Variants in MAN1B1 observed in about 807,000 individuals in gnomAD.
The protein encoded by MAN1B1 is endoplasmic reticulum mannosyl-oligosaccharide 1,2-alpha-mannosidase.
A neutral mutation model predicts 75.5 loss-of-function variants in MAN1B1; 66 were observed. The observed-to-expected ratio is 0.87, with a 90% CI of 0.72 to 1.07. MAN1B1 has a LOEUF of 1.07. Among genes scored for constraint, MAN1B1 ranks in the 50% least tolerant of loss-of-function variants. The pLI is 0.00. For missense variants in MAN1B1, 973 were observed against 912.5 expected, an observed-to-expected ratio of 1.07 and a Z score of -0.85; for synonymous variants, 453 against 382.8, an observed-to-expected ratio of 1.18 and a Z score of -2.14.
chr9:137,089,076 GAGA>G lies in MAN1B1; in HGVS notation c.465+76_465+78del, dbSNP rs1396302876. The G allele has an allele frequency of 1.3e-5, 20 of 1,572,728 alleles. No homozygotes were observed. In the East Asian group the frequency reaches 3.6e-4, roughly 28 times the overall value. ...GAGGCATTTCAAACCACTGAAGATT[GAGA>G]AGAATTATTTTCCTTTACCATTTAT... On this transcript the variant is annotated intron_variant, in intron 3 of 12. Transcript: ENST00000371589.
chr9:137,103,741 C>T (rs918007198), intron 8 of MAN1B1: 10 of 447,210 alleles, frequency 2.2e-5, no homozygotes, highest in African/African-American at 2.1e-4. Context: ...CATGCTGTTG[C>T]AGGCGTGCAG....
intron 9 of MAN1B1, 26 bp from the exon 10 acceptor site, chr9:137,106,663 A>G: frequency 6.2e-7 from 1 of 1,613,050 alleles, no homozygotes; most frequent in Non-Finnish European, 8.5e-7. Context: ...GTCCTGGTAG[A>G]GTGAGATGAC....
chr9:137,107,137 C>A (rs1831140291), intron 10 of MAN1B1, 113 bp from the exon 11 acceptor site: 1 of 1,217,128 alleles, frequency 8.2e-7, no homozygotes, highest in Non-Finnish European at 1.2e-6. Context: ...GTGGCCTCCC[C>A]TCCCAGGGTA....
chr9:137,087,181 A>C lies in MAN1B1; in HGVS notation c.182A>C (p.Asp61Ala). 6.3e-7 allele frequency: 1 copy of C among 1,591,652 alleles called. No individual in the cohort carries two copies. Among genetic ancestry groups the C allele is most frequent in the Non-Finnish European group, 8.5e-7 (1 of 1,169,846 alleles). Residue 61 changes from aspartate to alanine, a missense_variant, in exon 1 of 13, where the codon GAC (aspartate) becomes GCC (alanine). Asp to Ala is a moderately radical substitution (Grantham distance 126). Transcript: ENST00000371589. Reference protein sequence around the residue: ...SVTLSFGENYDNSKSWRRRSC... With the variant: ...SVTLSFGENYANSKSWRRRSC... ...ACGCTGAGCTTTGGCGAGAACTATGACAACAGCAAGAGTTGGCGGCGGCGC... is the reference window on the plus strand; with the variant it reads ...ACGCTGAGCTTTGGCGAGAACTATGCCAACAGCAAGAGTTGGCGGCGGCGC...
chr9:137,087,355 G>C, intron 1 of MAN1B1, 137 bp downstream of exon 1: 1 of 1,056,780 alleles, frequency 9.5e-7, no homozygotes, highest in Non-Finnish European at 1.4e-6. Context: ...CCCGCAAAAA[G>C]GGGCAAATGT....
At chr9:137,089,411 G>A in intron 3 of MAN1B1, 1 of 289,590 alleles carries the variant, frequency 3.5e-6, no homozygotes, top group Non-Finnish European at 6.7e-6. Flanking sequence ...GGAGGCCGTG[G>A]CACTGAGGGC....
In MAN1B1 at chr9:137,101,638, A is replaced by G. The variant is rs1467525320; in HGVS notation, c.1220A>G (p.Glu407Gly). The G allele has an allele frequency of 6.2e-7, 1 of 1,613,190 alleles. No individual in the cohort carries two copies. The highest frequency in any genetic ancestry group is 8.5e-7 in the Non-Finnish European group (1 of 1,179,578). The change falls in exon 8 of 13, where the codon GAG becomes GGG. Residue 407 changes from glutamate to glycine, a missense_variant. Glu to Gly is a moderately conservative substitution (Grantham distance 98). Coordinates refer to ENST00000371589, the MANE Select transcript of MAN1B1 (RefSeq NM_016219.5). ...EVTSIQLEFR[E>G]LSRLTGDKKF... Reference sequence around the variant, plus strand: ...ACCAGCATTCAGCTGGAGTTCCGGGAGCTCTCCCGTCTCACAGGGGATAAG... The same window carrying G: ...ACCAGCATTCAGCTGGAGTTCCGGGGGCTCTCCCGTCTCACAGGGGATAAG...
chr9:137,098,032 C>T (rs371580554), intron 5 of MAN1B1, 95 bp downstream of exon 5: 235 of 917,222 alleles, frequency 2.6e-4, no homozygotes, highest in African/African-American at 2.3e-3. Flanking sequence ...GTGGCGCCCC[C>T]GCCCTGGTGT....
chr9:137,093,515 C>G (rs1588587883), intron 3 of MAN1B1, among the ~76,000 whole-genome samples: 1 of 152,076 alleles, frequency 6.6e-6, no homozygotes, highest in East Asian at 1.9e-4. Context: ...TTGAAAAGAC[C>G]TAAATAAGTA....
Position 137,108,625 on chromosome 9 carries a change from G to A in MAN1B1, c.*34G>A, listed in dbSNP as rs765139802. The stretch of plus-strand genomic sequence containing the variant: ...GCTGCTGGTGTGGGGACTTCGGGTG[G>A]GCAGAGGCACCTTGCTGGGTCTGTG... On this transcript the variant is annotated 3_prime_UTR_variant, in exon 13 of 13. Coordinates refer to ENST00000371589, the MANE Select transcript of MAN1B1 (RefSeq NM_016219.5). 2.3e-5 allele frequency: 37 copies of A among 1,601,010 alleles called. No homozygotes were observed. The South Asian group carries it at 3.4e-4, about 15-fold the overall frequency.
rs371895506 is a variant in MAN1B1 at position 137,087,078 on chromosome 9, G to T, written c.79G>T (p.Ala27Ser). The T allele has an allele frequency of 4.4e-6, 7 of 1,601,178 alleles. No homozygotes were observed. Among genetic ancestry groups the T allele is most frequent in the Non-Finnish European group, 5.1e-6 (6 of 1,175,822 alleles). The change falls in exon 1 of 13, where the codon GCC becomes TCC. Residue 27 changes from alanine to serine, a missense_variant. Coordinates refer to ENST00000371589, the MANE Select transcript of MAN1B1 (RefSeq NM_016219.5). ...CTTCCTGACGCCGCCAGTGGGCGGG[G>T]CCCCTTGGGCCGTCGCCACCACTGT... Reference protein sequence around the residue: ...SDFLTPPVGGAPWAVATTVVM... With the variant: ...SDFLTPPVGGSPWAVATTVVM...
intron 5 of MAN1B1, among the ~76,000 whole-genome samples, chr9:137,098,530 G>A (rs1244553436): frequency 6.6e-6 from 1 of 152,178 alleles, no homozygotes; most frequent in Non-Finnish European, 1.5e-5. Flanking sequence ...GAGGTGGGGA[G>A]GGAGCCCAGA....
intron 8 of MAN1B1, chr9:137,103,657 C>T (rs879249126): frequency 3.3e-6 from 1 of 298,728 alleles, no homozygotes. Flanking sequence ...CACATTCACA[C>T]TTGCAGGCGT....
chr9:137,087,542 T>G (rs1588578972), intron 1 of MAN1B1: 1 of 572,436 alleles, frequency 1.7e-6, no homozygotes, highest in Non-Finnish European at 3.3e-6. Flanking sequence ...AAACCGGAGG[T>G]TCCCCGTGGT....
rs570450248 is a variant in MAN1B1 at position 137,100,489 on chromosome 9, C to T, written c.917-516C>T. On this transcript the variant is annotated intron_variant, in intron 6 of 12. Transcript: ENST00000371589. ...GTGATATTGAAGCCCTGCAGGGGAACGATAACGCCCCAGACATGGGTTTGG... is the reference window on the plus strand; with the variant it reads ...GTGATATTGAAGCCCTGCAGGGGAATGATAACGCCCCAGACATGGGTTTGG... 7.8e-4 allele frequency among the ~76,000 whole-genome samples: 119 copies of T among 152,226 alleles called. 1 individual carries two copies. Among genetic ancestry groups the T allele is most frequent in the African/African-American group, 2.8e-3 (118 of 41,510 alleles).
In MAN1B1 at chr9:137,109,131, C is replaced by A. The variant is rs545955725; in HGVS notation, c.*540C>A. On this transcript the variant is annotated 3_prime_UTR_variant, in exon 13 of 13. Transcript: ENST00000371589. ...ACGGCAAGTCCGTCTAGCTCACGGG[C>A]CCCTCCAGTGGAATGGGTCTTTTCG... 3 of 454,900 alleles carry A rather than the reference C, an allele frequency of 6.6e-6. No homozygotes were observed. The highest frequency in any genetic ancestry group is 2.0e-5 in the African/African-American group (1 of 50,152). 28.2% of individuals were successfully genotyped at this position (454,900 alleles called of 1,614,324 possible).
At chr9:137,108,354 C>A in intron 12 of MAN1B1, 34 bp from the exon 13 acceptor site, 4 of 1,581,836 alleles carry the variant, frequency 2.5e-6, no homozygotes, top group Non-Finnish European at 3.5e-6. Flanking sequence ...CAGGGTGCCC[C>A]CCGTGTGGTG....
intron 3 of MAN1B1, among the ~76,000 whole-genome samples, chr9:137,094,186 T>C (rs1456208512): frequency 6.6e-6 from 1 of 151,736 alleles, no homozygotes; most frequent in Non-Finnish European, 1.5e-5. Context: ...GGCTAACTTT[T>C]TGATTTTTTG....
intron 8 of MAN1B1, chr9:137,103,479 G>T: frequency 2.3e-6 from 1 of 439,836 alleles, no homozygotes; most frequent in South Asian, 1.6e-5. Context: ...AGGCGTGCAG[G>T]TCAGTGGTAC....
Sources: allele counts gnomAD v4.1 joint callset (sites outside exome capture counted in the v4.1 genomes callset), GRCh38; gene constraint gnomAD v4.1.1; transcripts MANE v1.5; gene names NCBI Gene and HGNC (gene_info 2026-07-23, HGNC 2026-07-21).